LTBP3: variants seen among roughly 807,000 people sequenced by gnomAD.
LTBP3 encodes the protein latent transforming growth factor beta binding protein 3.
A neutral mutation model predicts 159.7 loss-of-function variants in LTBP3; 97 were observed. That is an observed-to-expected ratio of 0.61 (90% CI 0.52 to 0.72). The LOEUF is 0.72. Ranked by LOEUF, LTBP3 falls within the 30% of genes least tolerant of loss-of-function variation. The probability of loss-of-function intolerance (pLI) is 0.00; values close to 1 mark genes in which losing one functional copy is unlikely to be tolerated. For missense variants in LTBP3, 1,584 were observed against 1,864.3 expected (o/e 0.85, Z 2.77); for synonymous variants, 824 against 777.1 (o/e 1.06, Z -1.00).
Position 65,552,583 on chromosome 11 carries a change from C to T in LTBP3, c.1187-177G>A, listed in dbSNP as rs1220886044. Among the ~76,000 whole-genome samples, 2 of 152,142 alleles carry T rather than the reference C, an allele frequency of 1.3e-5. No individual in the cohort carries two copies. The highest frequency in any genetic ancestry group is 2.9e-5 in the Non-Finnish European group (2 of 68,018). The stretch of plus-strand genomic sequence containing the variant: ...CCTGAAACTTATGTGACCACTGACC[C>T]CATTGACTCCCGATTCTAGCTATCC... On this transcript the variant is annotated intron_variant, in intron 6 of 27. Transcript: ENST00000301873. The surrounding 1 kb of genome is among the most constrained non-coding windows in gnomAD (Gnocchi z 6.0).
At chr11:65,548,502 T>G in intron 11 of LTBP3, 2 of 233,304 alleles carry the variant, frequency 8.6e-6, no homozygotes, top group African/African-American at 2.3e-5. Context: ...CGACCCCCTA[T>G]TCCAGAAGGG....
At position 65,546,457 on chromosome 11, in the gene LTBP3, C is replaced by T. The variant is rs573478612; in HGVS notation, c.2338G>A (p.Gly780Ser). 37 of 1,570,946 alleles carry T rather than the reference C, an allele frequency of 2.4e-5. No homozygotes were observed. Among genetic ancestry groups the T allele is most frequent in the African/African-American group, 9.4e-5 (7 of 74,466 alleles). The change falls in exon 16 of 28, where the codon GGC (glycine) becomes AGC (serine). Residue 780 changes from glycine (G) to serine (S), a missense_variant. By Grantham distance (56) the Gly-to-Ser change is moderately conservative (BLOSUM62 0). Transcript: ENST00000301873. The surrounding 1 kb of genome is among the most constrained non-coding windows in gnomAD (Gnocchi z 4.0). ...TGGCGCTCACCCAAGCAACTGCGGC[C>T]GTCGGGCGCGGGCGCGTAGCCCTGG... ...CAQGYAPAPD[G>S]RSCLDVDECE...
Position 65,554,062 on chromosome 11 carries a change from A to C in LTBP3, c.650T>G (p.Ile217Ser). 6.2e-7 allele frequency: 1 copy of C among 1,603,484 alleles called. No individual in the cohort carries two copies. The highest frequency in any genetic ancestry group is 8.5e-7 in the Non-Finnish European group (1 of 1,179,414). Residue 217 changes from isoleucine to serine, a missense_variant, in exon 2 of 28, where the codon ATC (isoleucine) becomes AGC (serine). By Grantham distance (142) the Ile-to-Ser change is moderately radical (BLOSUM62 -2). Transcript: ENST00000301873. The surrounding 1 kb of genome is among the most constrained non-coding windows in gnomAD (Gnocchi z 5.3). ...CAGTTGCCTGGTACCTTCTGCTGAG[A>C]TCTGTCCCGGGCCTAGGGGCACCAG... ...AFLVPLGPGQ[I>S]SAEVQAPPPV...
chr11:65,550,679 C>T (rs1205281371), intron 11 of LTBP3, among the ~76,000 whole-genome samples: 1 of 151,018 alleles, frequency 6.6e-6, no homozygotes, highest in East Asian at 1.9e-4. Context: ...AAAAAATTAG[C>T]TGGACGTGGT....
At chr11:65,549,997 T>C (rs1381221885) in intron 11 of LTBP3, among the ~76,000 whole-genome samples, 1 of 151,830 alleles carries the variant, frequency 6.6e-6, no homozygotes, top group African/African-American at 2.4e-5. Context: ...CCAGGCACTG[T>C]TGAGGTGCTA....
Position 65,557,802 on chromosome 11 carries a change from C to T in LTBP3, c.158G>A (p.Gly53Glu). ...GCGCTCGCGGGCCAGCGCCCCGCCC[C>T]CGCCTGCGCCCCGCTCGCCGGCCGG... ...GGPAGERGAG[G>E]GGALARERFK... Residue 53 changes from glycine to glutamate, a missense_variant, in exon 1 of 28, where the codon GGG becomes GAG. Around this residue, in one of 6 missense-constraint regions of LTBP3, gnomAD observed 76 missense variants for 133.3 expected, o/e 0.57. Transcript: ENST00000301873. 2 of 1,541,682 alleles carry T rather than the reference C, an allele frequency of 1.3e-6. No homozygotes were observed. The highest frequency in any genetic ancestry group is 1.7e-6 in the Non-Finnish European group (2 of 1,151,754).
chr11:65,549,067 G>A (rs1856496323), intron 11 of LTBP3: 1 of 152,208 alleles, frequency 6.6e-6, no homozygotes, highest in Non-Finnish European at 1.5e-5. Context: ...GGAAAACGAG[G>A]CTAACAACGC....
At chr11:65,539,258 T>C (rs773800350) in intron 27 of LTBP3, 27 bp from the exon 28 acceptor site, 2 of 1,521,070 alleles carry the variant, frequency 1.3e-6, no homozygotes, top group African/African-American at 2.8e-5. Flanking sequence ...CAGGTGCGGC[T>C]TCGCTGAGCC....
At position 65,552,730 on chromosome 11, in the gene LTBP3, G is replaced by A; in HGVS notation, c.1186+130C>T. The A allele has an allele frequency of 1.5e-6, 2 of 1,363,442 alleles. No individual in the cohort carries two copies. Among genetic ancestry groups the A allele is most frequent in the Admixed American group, 1.8e-5 (1 of 56,666 alleles). 84.5% of individuals were successfully genotyped at this position (1,363,442 alleles called of 1,614,324 possible). ...GTGACCCCGGACCCTGCTGATCCCT[G>A]ATCCTATTGGCTCTGGGCCTTGTTC... is the stretch of plus-strand genomic sequence containing the variant. On this transcript the variant is annotated intron_variant, in intron 6 of 27. Coordinates refer to ENST00000301873, the MANE Select transcript of LTBP3 (RefSeq NM_001130144.3). The surrounding 1 kb of genome is among the most constrained non-coding windows in gnomAD (Gnocchi z 6.0).
Position 65,546,737 on chromosome 11 carries a change from G to T in LTBP3, c.2230+61C>A. The stretch of plus-strand genomic sequence containing the variant: ...CCGCTACCCCGCCCCGCCCCCAGCG[G>T]AGCCAGACTGGGGGAGGCACCTGAC... On this transcript the variant is annotated intron_variant, in intron 15 of 27. Coordinates refer to ENST00000301873, the MANE Select transcript of LTBP3 (RefSeq NM_001130144.3). This position sits in a 1 kb window ranked among gnomAD's most constrained non-coding sequence, Gnocchi z 4.0. The T allele has an allele frequency of 1.3e-6, 2 of 1,550,888 alleles. No individual in the cohort carries two copies. The highest frequency in any genetic ancestry group is 2.3e-5 in the East Asian group (1 of 43,352).
At position 65,553,066 on chromosome 11, in the gene LTBP3, C is replaced by A. The variant is rs1856670177; in HGVS notation, c.1064-84G>T. 1 of 1,608,268 alleles carries A rather than the reference C, an allele frequency of 6.2e-7. No homozygotes were observed. The highest frequency in any genetic ancestry group is 1.3e-5 in the African/African-American group (1 of 74,758). The stretch of plus-strand genomic sequence containing the variant: ...CTCCAAGAACCTCAGGGTCTTGCCC[C>A]AGCCCCACCTCCTCTCTCGCCCACC... On this transcript the variant is annotated intron_variant, in intron 5 of 27. Transcript: ENST00000301873. This position sits in a 1 kb window ranked among gnomAD's most constrained non-coding sequence, Gnocchi z 6.5.
chr11:65,550,373 C>T (rs1284554526), intron 11 of LTBP3, among the ~76,000 whole-genome samples: 1 of 151,844 alleles, frequency 6.6e-6, no homozygotes, highest in Non-Finnish European at 1.5e-5. Context: ...GATCGCGCCA[C>T]TGCACTCCAG....
rs750639649 is a variant in LTBP3, at chr11:65,539,600, C to G, written c.3576G>C (p.Glu1192Asp). ...GGCTTGTGTCCCAGAAGGAATTGCTCTCGCTCTGCGATGTCGGGCAATGGG... is the reference window on the plus strand; with the variant it reads ...GGCTTGTGTCCCAGAAGGAATTGCTGTCGCTCTGCGATGTCGGGCAATGGG... ...AGSHCPTSQS[E>D]SNSFWDTSPL... Residue 1192 changes from glutamate to aspartate, a missense_variant, in exon 26 of 28, where the codon GAG becomes GAC. Transcript: ENST00000301873. 1 of 1,612,558 alleles carries G rather than the reference C, an allele frequency of 6.2e-7. No homozygotes were observed. The highest frequency in any genetic ancestry group is 8.5e-7 in the Non-Finnish European group (1 of 1,179,346).
At chr11:65,557,531 C>A in intron 1 of LTBP3, 98 bp downstream of exon 1, 2 of 1,547,962 alleles carry the variant, frequency 1.3e-6, no homozygotes, top group South Asian at 1.1e-5. Context: ...CCCTTTATAC[C>A]CTCAGCCCCC....
In LTBP3 at chr11:65,542,112, A is replaced by G. The variant is rs1032028935; in HGVS notation, c.2597-384T>C. The G allele has an allele frequency of 2.3e-5, 7 of 306,404 alleles. No homozygotes were observed. The East Asian group carries it at 3.2e-4, about 14-fold the overall frequency. 19.0% of individuals were successfully genotyped at this position (306,404 alleles called of 1,614,324 possible). A position where few individuals can be genotyped will look rare whatever the true frequency, so the allele number is the denominator to read the frequency against. On this transcript the variant is annotated intron_variant, in intron 18 of 27. Transcript: ENST00000301873. ...CACAACTAGCTCCTTCCAGATCTCT[A>G]TGCTTTGCAATTACTGCTCTTTGGT...
Position 65,546,953 on chromosome 11 carries a change from T to C in LTBP3, c.2108-33A>G. 1 of 1,607,264 alleles carries C rather than the reference T, an allele frequency of 6.2e-7. No homozygotes were observed. Among genetic ancestry groups the C allele is most frequent in the Non-Finnish European group, 8.5e-7 (1 of 1,179,546 alleles). ...GGAGGGAGAAGGAAGAGGACCCATC[T>C]GGGGACAACGCGGGTGGCCCGGCTC... is the stretch of plus-strand genomic sequence containing the variant. On this transcript the variant is annotated intron_variant, in intron 14 of 27. Transcript: ENST00000301873. The surrounding 1 kb of genome is among the most constrained non-coding windows in gnomAD (Gnocchi z 4.0).
Position 65,553,127 on chromosome 11 carries a change from GC to G in LTBP3, c.1063+36del. The G allele has an allele frequency of 6.2e-7, 1 of 1,608,342 alleles. No individual in the cohort carries two copies. Among genetic ancestry groups the G allele is most frequent in the Non-Finnish European group, 8.5e-7 (1 of 1,174,968 alleles). ...CCCCACCCCCAGTGATGGCTGGCCT[GC>G]CCCTCCAGCCCACAGAATCTCCTAG... is the stretch of plus-strand genomic sequence containing the variant. On this transcript the variant is annotated intron_variant, in intron 5 of 27. Coordinates refer to ENST00000301873, the MANE Select transcript of LTBP3 (RefSeq NM_001130144.3). This position sits in a 1 kb window ranked among gnomAD's most constrained non-coding sequence, Gnocchi z 6.5.
At chr11:65,542,994 A>T in intron 18 of LTBP3, 111 bp downstream of exon 18, 1 of 1,386,174 alleles carries the variant, frequency 7.2e-7, no homozygotes, top group South Asian at 1.2e-5. Flanking sequence ...GGATGGATGG[A>T]TGAAGGATGG....
chr11:65,548,447 G>C (rs1856473786), intron 11 of LTBP3: 1 of 411,506 alleles, frequency 2.4e-6, no homozygotes, highest in African/African-American at 2.0e-5. Context: ...GGTCACACCA[G>C]TGTCCTCTAG....
Sources: gnomAD v4.1 joint callset for allele counts (sites outside exome capture counted in the v4.1 genomes callset) on GRCh38, gnomAD v4.1.1 for gene constraint, gnomAD v4.1.1 regional missense constraint, Gnocchi (gnomAD v3.1) non-coding constraint, MANE v1.5 for transcripts, NCBI Gene and HGNC (gene_info 2026-07-23, HGNC 2026-07-21) for gene names.